Variants in RBFOX2 observed in about 807,000 individuals in gnomAD.
RBFOX2 encodes RNA binding protein fox-1 homolog 2.
In RBFOX2, 10 loss-of-function variants were observed where a neutral mutation model predicts 49.1. That is an observed-to-expected ratio of 0.20 (90% CI 0.13 to 0.35). RBFOX2 has a LOEUF of 0.35. RBFOX2 is among the 10% of genes least tolerant of loss of function. RBFOX2 has a pLI of 1.00. For missense variants in RBFOX2, 323 were observed against 486.9 expected (o/e 0.66, Z 3.17); for synonymous variants, 183 against 187.4 (o/e 0.98, Z 0.19).
chr22:35,781,972 A>G (rs1945242793), intron 2 of RBFOX2, among the ~76,000 whole-genome samples: 1 of 152,234 alleles, frequency 6.6e-6, no homozygotes, highest in African/African-American at 2.4e-5. Context: ...TTGAGTATTT[A>G]TAGTATGCTA....
rs1338542719 is a variant in RBFOX2, at chr22:35,753,565, T to A, written c.887+6323A>T. On this transcript the variant is annotated intron_variant, in intron 9 of 11. Transcript: ENST00000405409. ...ACAAGGGGCCACTGGTCAAAAAAAA[T>A]TATTTCAGCAAGATCACTGAATTAC... Among the ~76,000 whole-genome samples, 3 of 151,796 alleles carry A rather than the reference T, an allele frequency of 2.0e-5. No individual in the cohort carries two copies. The East Asian group carries it at 5.8e-4, about 29-fold the overall frequency.
chr22:35,957,720 T>C (rs985302992), intron 1 of RBFOX2, among the ~76,000 whole-genome samples: 2 of 152,238 alleles, frequency 1.3e-5, no homozygotes, highest in East Asian at 1.9e-4. Context: ...CTCTCATTTG[T>C]AGTTCTTCCA....
At chr22:35,997,091 T>C (rs901617220) in intron 1 of RBFOX2, 1 of 152,240 alleles carries the variant, frequency 6.6e-6, no homozygotes, top group Non-Finnish European at 1.5e-5. Context: ...TAATGGGCTC[T>C]GATAATATGA....
intron 1 of RBFOX2, among the ~76,000 whole-genome samples, chr22:36,006,304 G>T (rs1300084830): frequency 2.0e-5 from 3 of 152,166 alleles, no homozygotes; most frequent in Non-Finnish European, 4.4e-5. Context: ...CAGAACATAA[G>T]ATTCAAGTTG....
chr22:35,772,231 AT>A (rs1007059010), intron 4 of RBFOX2, among the ~76,000 whole-genome samples: 29 of 152,312 alleles, frequency 1.9e-4, no homozygotes, highest in African/African-American at 6.7e-4. Flanking sequence ...TTAATTTTTA[AT>A]TAAAAAATGA....
intron 1 of RBFOX2, chr22:35,999,810 G>A (rs569110600): frequency 6.6e-6 from 1 of 152,068 alleles, no homozygotes; most frequent in Admixed American, 6.5e-5. Context: ...CAGGGAAGAA[G>A]TTACAAATCC....
rs570743320 is a variant in RBFOX2 at position 35,878,453 on chromosome 22, G to T, written c.-34+60394C>A. ...GGGTCTCGCTCTGTCACCCAGGATG[G>T]AGTGCAGTCTGCACAATTAGAGCTC... On this transcript the variant is annotated intron_variant, in intron 1 of 13. Transcript: ENST00000359369. 3.1e-4 allele frequency among the ~76,000 whole-genome samples: 47 copies of T among 152,226 alleles called. 1 individual carries two copies. The South Asian group carries it at 9.2e-3, about 30-fold the overall frequency.
At chr22:35,929,895 G>A (rs546771695) in intron 1 of RBFOX2, among the ~76,000 whole-genome samples, 36 of 152,118 alleles carry the variant, frequency 2.4e-4, no homozygotes, top group Middle Eastern at 6.8e-3. Flanking sequence ...GAAAGAATTT[G>A]GGGAATGAGG....
At chr22:35,952,985 G>A (rs890247888) in intron 1 of RBFOX2, among the ~76,000 whole-genome samples, 2 of 152,016 alleles carry the variant, frequency 1.3e-5, no homozygotes, top group African/African-American at 2.4e-5. Context: ...GCTGTGGCGG[G>A]CGGATCACGA....
chr22:35,880,488 C>T (rs2045742135), intron 1 of RBFOX2, among the ~76,000 whole-genome samples: 1 of 152,116 alleles, frequency 6.6e-6, no homozygotes, highest in South Asian at 2.1e-4. Context: ...TAGAGGTATA[C>T]ATTTGAGAGC....
At chr22:36,012,739 T>G (rs2058871327) in intron 1 of RBFOX2, among the ~76,000 whole-genome samples, 1 of 152,100 alleles carries the variant, frequency 6.6e-6, no homozygotes, top group African/African-American at 2.4e-5. Context: ...TAATATATCT[T>G]TTTCAACAAA....
At chr22:35,994,192 AG>A (rs1413876222) in intron 1 of RBFOX2, 3 of 151,728 alleles carry the variant, frequency 2.0e-5, no homozygotes, top group Non-Finnish European at 4.4e-5. Context: ...AAAAAAAAAA[AG>A]GTGAAACTAA....
chr22:35,813,049 T>TA (rs11395276), intron 1 of RBFOX2, among the ~76,000 whole-genome samples: 152,354 of 152,356 alleles, frequency 1, 76,176 homozygotes, highest in Non-Finnish European at 1. Flanking sequence ...AGGGGTTATG[T>TA]ACCTCCCTTA....
rs375513418 is a variant in RBFOX2, at chr22:35,973,196, T to C, written c.187-34299A>G. Among the ~76,000 whole-genome samples the C allele has an allele frequency of 1.1e-3, 166 of 152,346 alleles. 1 individual carries two copies. The highest frequency in any genetic ancestry group is 3.5e-3 in the South Asian group (17 of 4,826). On this transcript the variant is annotated intron_variant, in intron 1 of 13. Transcript: ENST00000438146. ...ACTGTGAGAGTCCTCTAACTGATGCTTCCTCCATGAGCCTTCTTTGACAGT... is the reference window on the plus strand; with the variant it reads ...ACTGTGAGAGTCCTCTAACTGATGCCTCCTCCATGAGCCTTCTTTGACAGT...
chr22:35,907,863 T>G lies in RBFOX2; in HGVS notation c.-34+30984A>C, dbSNP rs552825048. Among the ~76,000 whole-genome samples, 143 of 152,184 alleles carry G rather than the reference T, an allele frequency of 9.4e-4. 1 individual carries two copies. Among genetic ancestry groups the G allele is most frequent in the Non-Finnish European group, 1.6e-3 (109 of 68,002 alleles). On this transcript the variant is annotated intron_variant, in intron 1 of 13. Coordinates refer to the RBFOX2 transcript ENST00000359369. ...GTTTTTGTCACATCGGCCAGACTGA[T>G]CTCGAACTTCTGACCTTAAGAGATC...
At chr22:35,744,059 T>C (rs542490804) in exon 12 of RBFOX2, 17 of 637,554 alleles carry the variant, frequency 2.7e-5, no homozygotes, top group Non-Finnish European at 2.9e-5. Flanking sequence ...TATAAAAAAG[T>C]ATTCTTTCTT....
At chr22:35,930,747 T>C (rs2052300475) in intron 1 of RBFOX2, among the ~76,000 whole-genome samples, 1 of 152,104 alleles carries the variant, frequency 6.6e-6, no homozygotes, top group South Asian at 2.1e-4. Flanking sequence ...CAAGAATCAC[T>C]TGTACCCAGG....
rs1296603448 is a variant in RBFOX2, at chr22:36,028,298, C to G, written c.128G>C (p.Gly43Ala). 2.6e-6 allele frequency: 4 copies of G among 1,532,572 alleles called. 1 individual carries two copies. The South Asian group carries it at 4.8e-5, about 18-fold the overall frequency. 94.9% of individuals were successfully genotyped at this position (1,532,572 alleles called of 1,614,324 possible). A position where few individuals can be genotyped will look rare whatever the true frequency, so the allele number is the denominator to read the frequency against. Residue 43 changes from glycine (G) to alanine (A), a missense_variant, in exon 1 of 14, where the codon GGC becomes GCC. Coordinates refer to the RBFOX2 transcript ENST00000438146. ...CTCAGTGCGCGGCCGCTTGCTCAGG[C>G]CGGGATCGGCTCCGTCTCCTCCCGC...
intron 1 of RBFOX2, among the ~76,000 whole-genome samples, chr22:35,954,885 A>C (rs927289353): frequency 1.3e-5 from 2 of 152,242 alleles, no homozygotes; most frequent in African/African-American, 4.8e-5. Context: ...TTGATAATCA[A>C]GTGAGAAAGG....
Sources: allele counts gnomAD v4.1 joint callset (sites outside exome capture counted in the v4.1 genomes callset), GRCh38; gene constraint gnomAD v4.1.1; transcripts MANE v1.5; gene names NCBI Gene and HGNC (gene_info 2026-07-23, HGNC 2026-07-21).